KCNK9: variants seen among roughly 807,000 people sequenced by gnomAD.
The protein encoded by KCNK9 is potassium channel subfamily K member 9.
A neutral mutation model predicts 10.8 loss-of-function variants in KCNK9; 1 was observed. That is an observed-to-expected ratio of 0.09 (90% CI 0.03 to 0.44). KCNK9 has a LOEUF of 0.44. Among genes scored for constraint, KCNK9 ranks in the 20% least tolerant of loss-of-function variants. The pLI is 0.97. For missense variants in KCNK9, 303 were observed against 515.0 expected (o/e 0.59, Z 3.98); for synonymous variants, 231 against 222.7 (o/e 1.04, Z -0.33).
At chr8:139,669,783 T>C (rs1202196787) in intron 1 of KCNK9, among the ~76,000 whole-genome samples, 1 of 152,264 alleles carries the variant, frequency 6.6e-6, no homozygotes, top group African/African-American at 2.4e-5. Flanking sequence ...TAAAAGGTTT[T>C]CTATTTACTT....
At chr8:139,631,050 C>T (rs1316440706) in intron 1 of KCNK9, among the ~76,000 whole-genome samples, 33 of 152,254 alleles carry the variant, frequency 2.2e-4, no homozygotes. Context: ...ACGGCGCCCT[C>T]TGGCGGGCAC....
At chr8:139,660,611 A>G (rs1174470989) in intron 1 of KCNK9, among the ~76,000 whole-genome samples, 1 of 151,934 alleles carries the variant, frequency 6.6e-6, no homozygotes, top group African/African-American at 2.4e-5. Flanking sequence ...ACAGAGGGAC[A>G]CCCTGTCTTT....
intron 1 of KCNK9, 28 bp from the exon 2 acceptor site, chr8:139,619,127 G>A (rs1814695745): frequency 1.9e-6 from 3 of 1,612,458 alleles, no homozygotes; most frequent in African/African-American, 2.7e-5. Flanking sequence ...GAAGAACAGA[G>A]AGAGCAAGTG....
intron 1 of KCNK9, among the ~76,000 whole-genome samples, chr8:139,653,030 C>T (rs921625249): frequency 6.6e-6 from 1 of 152,160 alleles, no homozygotes; most frequent in African/African-American, 2.4e-5. Flanking sequence ...CTTGTAGGGG[C>T]CCCCCTTCTG....
At chr8:139,642,730 C>T (rs1456551852) in intron 1 of KCNK9, among the ~76,000 whole-genome samples, 1 of 152,244 alleles carries the variant, frequency 6.6e-6, no homozygotes, top group Non-Finnish European at 1.5e-5. Context: ...CTCCAGCCCC[C>T]ACAGGGCCTG....
At chr8:139,694,234 A>G (rs527728083) in intron 1 of KCNK9, among the ~76,000 whole-genome samples, 38 of 152,324 alleles carry the variant, frequency 2.5e-4, no homozygotes, top group African/African-American at 8.9e-4. Flanking sequence ...GAGCACAACC[A>G]GACCCAGGTG....
chr8:139,668,607 A>C (rs1375375744), intron 1 of KCNK9, among the ~76,000 whole-genome samples: 2 of 152,154 alleles, frequency 1.3e-5, no homozygotes, highest in Admixed American at 6.5e-5. Context: ...TTTTTAATAA[A>C]GACAGGGTTT....
rs759064977 is a variant in KCNK9, at chr8:139,618,315, A to C, written c.1068T>G (p.Pro356=). The C allele has an allele frequency of 6.2e-7, 1 of 1,614,174 alleles. No individual in the cohort carries two copies. Residue 356 remains proline, a synonymous_variant, in exon 2 of 2, where the codon CCT becomes CCG. Transcript: ENST00000520439. This position sits in a 1 kb window ranked among gnomAD's most constrained non-coding sequence, Gnocchi z 7.9. ...LFPSPISSIS[P]GLHSFTDHQR... is the part of the protein sequence containing the mutation. ...GGTGGTCGGTAAAGCTGTGTAACCCAGGAGAGATGGAGCTAATAGGCGATG... is the reference window on the plus strand; with the variant it reads ...GGTGGTCGGTAAAGCTGTGTAACCCCGGAGAGATGGAGCTAATAGGCGATG...
At chr8:139,654,370 G>T (rs528023326) in intron 1 of KCNK9, among the ~76,000 whole-genome samples, 65 of 152,312 alleles carry the variant, frequency 4.3e-4, no homozygotes, top group Middle Eastern at 3.4e-3. Context: ...GCCTCGGAGC[G>T]CGGCCAGACC....
intron 1 of KCNK9, among the ~76,000 whole-genome samples, chr8:139,653,295 A>G (rs1421472001): frequency 1.3e-5 from 2 of 152,182 alleles, no homozygotes; most frequent in African/African-American, 4.8e-5. Context: ...ATATATTTAC[A>G]CACACTTGGC....
chr8:139,627,614 A>G (rs1815017592), intron 1 of KCNK9, among the ~76,000 whole-genome samples: 1 of 152,236 alleles, frequency 6.6e-6, no homozygotes, highest in Admixed American at 6.5e-5. Context: ...GAGTGAGCCC[A>G]GCTCACAGAC....
chr8:139,600,954 C>T (rs1047690174), downstream of KCNK9: 1 of 152,158 alleles, frequency 6.6e-6, no homozygotes, highest in Non-Finnish European at 1.5e-5. Flanking sequence ...CCTGTTTACA[C>T]GAGAAGCCTG....
intron 1 of KCNK9, among the ~76,000 whole-genome samples, chr8:139,700,509 C>CAT (rs1554628677): frequency 1.1e-3 from 118 of 110,248 alleles, no homozygotes; most frequent in African/African-American, 4.9e-3. Context: ...CACACACACA[C>CAT]GCGCGCGCGC....
At chr8:139,663,016 C>T (rs1273436528) in intron 1 of KCNK9, among the ~76,000 whole-genome samples, 1 of 152,088 alleles carries the variant, frequency 6.6e-6, no homozygotes, top group Admixed American at 6.5e-5. Flanking sequence ...AGCACCCCTC[C>T]AGCCCCACAA....
At chr8:139,653,552 A>T (rs555390387) in intron 1 of KCNK9, among the ~76,000 whole-genome samples, 48 of 149,714 alleles carry the variant, frequency 3.2e-4, no homozygotes, top group African/African-American at 1.2e-3. Context: ...ACAGCTCTGG[A>T]GTGTGGCTGA....
Position 139,647,894 on chromosome 8 carries a change from T to C in KCNK9, c.284-28795A>G, listed in dbSNP as rs576508078. Among the ~76,000 whole-genome samples, 18 of 152,010 alleles carry C rather than the reference T, an allele frequency of 1.2e-4. No homozygotes were observed. In the East Asian group the frequency reaches 1.9e-3, roughly 16 times the overall value. On this transcript the variant is annotated intron_variant, in intron 1 of 1. Transcript: ENST00000520439. The stretch of plus-strand genomic sequence containing the variant: ...GGTCATGTGGTGGTTTCCCAAAAGG[T>C]CAAACCTAGAATTGCCACATGACCC...
chr8:139,614,848 G>A (rs1485934691), downstream of KCNK9, among the ~76,000 whole-genome samples: 1 of 152,216 alleles, frequency 6.6e-6, no homozygotes, highest in Non-Finnish European at 1.5e-5. Flanking sequence ...ATAGGAGGAA[G>A]GTTGGGCGGT....
chr8:139,615,642 C>G (rs1476508366), downstream of KCNK9, among the ~76,000 whole-genome samples: 86 of 152,010 alleles, frequency 5.7e-4, no homozygotes, highest in Non-Finnish European at 1.5e-5. Flanking sequence ...AAGGGCTAAG[C>G]TGGTAGCAAA....
At chr8:139,675,704 C>A (rs911210350) in intron 1 of KCNK9, among the ~76,000 whole-genome samples, 1 of 152,120 alleles carries the variant, frequency 6.6e-6, no homozygotes, top group Non-Finnish European at 1.5e-5. Context: ...CTTGCTTTGC[C>A]CAAGCTGACC....
Sources: gnomAD v4.1 joint callset for allele counts (sites outside exome capture counted in the v4.1 genomes callset) on GRCh38, gnomAD v4.1.1 for gene constraint, Gnocchi (gnomAD v3.1) non-coding constraint, MANE v1.5 for transcripts, NCBI Gene and HGNC (gene_info 2026-07-23, HGNC 2026-07-21) for gene names.